IPCEF1: variants seen among roughly 807,000 people sequenced by gnomAD.
IPCEF1 encodes interactor protein for cytohesin exchange factors 1.
In IPCEF1, 31 loss-of-function variants were observed where a neutral mutation model predicts 50.9. The observed-to-expected ratio is 0.61, with a 90% CI of 0.46 to 0.82. IPCEF1 has a LOEUF of 0.82. Among genes scored for constraint, IPCEF1 ranks in the 40% least tolerant of loss-of-function variants. IPCEF1 has a pLI of 0.00. For synonymous variants in IPCEF1, 181 were observed against 192.0 expected, an observed-to-expected ratio of 0.94 and a Z score of 0.47; for missense variants, 458 against 514.0, an observed-to-expected ratio of 0.89 and a Z score of 1.05.
At chr6:154,273,167 C>T (rs1254907735) in intron 2 of IPCEF1, among the ~76,000 whole-genome samples, 1 of 152,118 alleles carries the variant, frequency 6.6e-6, no homozygotes, top group East Asian at 1.9e-4. Flanking sequence ...TTAATTTATC[C>T]TTTAAAATTA....
intron 11 of IPCEF1, among the ~76,000 whole-genome samples, chr6:154,162,687 T>C (rs945711002): frequency 2.3e-5 from 3 of 133,106 alleles, no homozygotes; most frequent in Non-Finnish European, 3.4e-5. Flanking sequence ...CCAGCTTGTA[T>C]CCTGTTCTCT....
chr6:154,282,543 C>T (rs1161566314), intron 2 of IPCEF1, among the ~76,000 whole-genome samples: 1 of 151,948 alleles, frequency 6.6e-6, no homozygotes, highest in Non-Finnish European at 1.5e-5. Flanking sequence ...AAAAATTAGG[C>T]GGGCACGGTG....
chr6:154,256,961 G>A (rs1781477036), intron 3 of IPCEF1, among the ~76,000 whole-genome samples: 1 of 152,134 alleles, frequency 6.6e-6, no homozygotes, highest in African/African-American at 2.4e-5. Context: ...TAATTTAAGT[G>A]TTCTGAACAT....
intron 11 of IPCEF1, among the ~76,000 whole-genome samples, chr6:154,163,933 G>A (rs1799223368): frequency 6.6e-6 from 1 of 152,198 alleles, no homozygotes; most frequent in Non-Finnish European, 1.5e-5. Context: ...CAGTAGGAAA[G>A]CAGAGGGATT....
intron 9 of IPCEF1, among the ~76,000 whole-genome samples, chr6:154,208,530 G>A (rs531859208): frequency 6.6e-6 from 1 of 152,276 alleles, no homozygotes; most frequent in East Asian, 1.9e-4. Flanking sequence ...CCCTCAACTA[G>A]AGGTTTGGCT....
In IPCEF1 at chr6:154,242,837, G is replaced by A. The variant is rs142267697; in HGVS notation, c.246+3754C>T. Among the ~76,000 whole-genome samples, 186 of 152,132 alleles carry A rather than the reference G, an allele frequency of 1.2e-3. 2 individuals are homozygous for A. Among genetic ancestry groups the A allele is most frequent in the African/African-American group, 4.4e-3 (184 of 41,500 alleles). The stretch of plus-strand genomic sequence containing the variant: ...TGGGAGGCAGAGGTTGCAGTGAGCC[G>A]AGATAACACCATTGTACTCCAGCCT... On this transcript the variant is annotated intron_variant, in intron 5 of 11. Transcript: ENST00000367220.
intron 1 of IPCEF1, among the ~76,000 whole-genome samples, chr6:154,302,570 ACT>A (rs1782824376): frequency 1.3e-5 from 2 of 151,876 alleles, no homozygotes; most frequent in Admixed American, 1.3e-4. Flanking sequence ...AACATCCCAG[ACT>A]CAACTGATCC....
rs555668503 is a variant in IPCEF1 at position 154,267,406 on chromosome 6, T to C, written c.-17-1442A>G. Among the ~76,000 whole-genome samples, 39 of 152,290 alleles carry C rather than the reference T, an allele frequency of 2.6e-4. No individual in the cohort carries two copies. In the South Asian group the frequency reaches 7.9e-3, roughly 31 times the overall value. On this transcript the variant is annotated intron_variant, in intron 2 of 11. Coordinates refer to ENST00000367220, the MANE Select transcript of IPCEF1 (RefSeq NM_001130700.2). The stretch of plus-strand genomic sequence containing the variant: ...TCTTCAGGATTGGAAAAAAATTAAG[T>C]GATGGAAGTCAATTTGGGTGGAGGT...
At chr6:154,339,506 C>G (rs1783859296) in intron 1 of IPCEF1, among the ~76,000 whole-genome samples, 1 of 151,592 alleles carries the variant, frequency 6.6e-6, no homozygotes, top group Non-Finnish European at 1.5e-5. Flanking sequence ...AACTCCAGGC[C>G]TCAAGCATTG....
At chr6:154,277,296 A>C (rs1426761575) in intron 2 of IPCEF1, among the ~76,000 whole-genome samples, 2 of 152,206 alleles carry the variant, frequency 1.3e-5, no homozygotes, top group Non-Finnish European at 2.9e-5. Context: ...AAACACACCT[A>C]TTTATTCTTT....
At chr6:154,277,114 T>C (rs1005013963) in intron 2 of IPCEF1, among the ~76,000 whole-genome samples, 12 of 152,306 alleles carry the variant, frequency 7.9e-5, no homozygotes, top group Admixed American at 7.8e-4. Context: ...ATTCAGAAAC[T>C]ATGAAGGGCT....
intron 2 of IPCEF1, among the ~76,000 whole-genome samples, chr6:154,282,479 G>A (rs568079189): frequency 6.8e-4 from 104 of 152,028 alleles, no homozygotes; most frequent in Non-Finnish European, 1.3e-3. Context: ...TCAGGAGATC[G>A]AGACCATCCT....
intron 1 of IPCEF1, among the ~76,000 whole-genome samples, chr6:154,340,185 T>G (rs917833417): frequency 6.6e-6 from 1 of 152,136 alleles, no homozygotes; most frequent in Non-Finnish European, 1.5e-5. Context: ...TAGGAAGTCT[T>G]GACGACATGT....
chr6:154,318,650 C>A (rs1165116515), intron 1 of IPCEF1, among the ~76,000 whole-genome samples: 4 of 146,922 alleles, frequency 2.7e-5, no homozygotes, highest in African/African-American at 7.6e-5. Context: ...CCAGGAGAGG[C>A]TGCAGTGAGC....
intron 3 of IPCEF1, among the ~76,000 whole-genome samples, chr6:154,255,017 T>G (rs1781428277): frequency 6.6e-6 from 1 of 152,208 alleles, no homozygotes; most frequent in South Asian, 2.1e-4. Context: ...GAATGACTAC[T>G]CTCTTGTTAT....
At chr6:154,224,848 A>G (rs1305604668) in intron 5 of IPCEF1, among the ~76,000 whole-genome samples, 1 of 152,232 alleles carries the variant, frequency 6.6e-6, no homozygotes, top group Non-Finnish European at 1.5e-5. Context: ...ATATATATGC[A>G]GCTTCTCTCT....
At chr6:154,160,085 C>T in intron 11 of IPCEF1, 45 bp from the exon 12 acceptor site, 1 of 1,426,770 alleles carries the variant, frequency 7.0e-7, no homozygotes, top group African/African-American at 1.4e-5. Context: ...TTGAGAGTGT[C>T]TTAATTTACA....
intron 1 of IPCEF1, among the ~76,000 whole-genome samples, chr6:154,305,951 G>A (rs1782920550): frequency 6.6e-6 from 1 of 152,172 alleles, no homozygotes; most frequent in Non-Finnish European, 1.5e-5. Context: ...CTCTACTTTT[G>A]AGGTTTTGGG....
chr6:154,348,728 G>A (rs1428770415), intron 1 of IPCEF1, among the ~76,000 whole-genome samples: 1 of 152,156 alleles, frequency 6.6e-6, no homozygotes. Context: ...CTTTTAATCG[G>A]TGGAAAGAAC....
Sources: gnomAD v4.1 joint callset for allele counts (sites outside exome capture counted in the v4.1 genomes callset) on GRCh38, gnomAD v4.1.1 for gene constraint, MANE v1.5 for transcripts, NCBI Gene and HGNC (gene_info 2026-07-23, HGNC 2026-07-21) for gene names.